The following SCAPER variants were observed in gnomAD, a reference collection of about 807,000 sequenced individuals.
SCAPER encodes the protein S phase cyclin A-associated protein in the endoplasmic reticulum.
SCAPER carries 98 observed loss-of-function variants against 182.2 expected under a neutral mutation model. The ratio of observed to expected loss-of-function variants is 0.54; its 90% CI spans 0.46 to 0.64. The LOEUF is 0.64. Among genes scored for constraint, SCAPER ranks in the 30% least tolerant of loss-of-function variants. The pLI is 0.00. For synonymous variants in SCAPER, 605 were observed against 564.6 expected (o/e 1.07, Z -1.01); for missense variants, 1,432 against 1,690.0 (o/e 0.85, Z 2.68).
chr15:76,585,040 C>A (rs899772864), intron 22 of SCAPER, among the ~76,000 whole-genome samples: 4 of 152,136 alleles, frequency 2.6e-5, no homozygotes, highest in South Asian at 2.1e-4. Flanking sequence ...AGTCAAAGAA[C>A]AGAAATAGAA....
intron 11 of SCAPER, among the ~76,000 whole-genome samples, chr15:76,766,100 T>TA (rs1278727764): frequency 6.6e-6 from 1 of 151,762 alleles, no homozygotes; most frequent in African/African-American, 2.4e-5. Flanking sequence ...TTTATTTATT[T>TA]ATTTATTTAT....
At chr15:76,788,077 C>T (rs573019794) in intron 8 of SCAPER, among the ~76,000 whole-genome samples, 146 of 152,282 alleles carry the variant, frequency 9.6e-4, no homozygotes, top group African/African-American at 3.3e-3. Flanking sequence ...ATAAGCCCAT[C>T]ATGTTCAACA....
intron 16 of SCAPER, among the ~76,000 whole-genome samples, chr15:76,728,956 C>T (rs1598404149): frequency 6.6e-6 from 1 of 152,096 alleles, no homozygotes; most frequent in Non-Finnish European, 1.5e-5. Context: ...TCAGTAAAGA[C>T]TTGCTTTTTT....
chr15:76,378,572 C>A (rs1158201678), intron 28 of SCAPER, among the ~76,000 whole-genome samples: 1 of 152,218 alleles, frequency 6.6e-6, no homozygotes, highest in Non-Finnish European at 1.5e-5. Context: ...TCACGTCCAT[C>A]TACATAAATG....
At chr15:76,423,997 A>C (rs2046240737) in intron 26 of SCAPER, among the ~76,000 whole-genome samples, 1 of 152,128 alleles carries the variant, frequency 6.6e-6, no homozygotes, top group Non-Finnish European at 1.5e-5. Flanking sequence ...GTTTGTTATA[A>C]TTTCTGTTCT....
At chr15:76,720,162 G>C (rs1365144208) in intron 17 of SCAPER, among the ~76,000 whole-genome samples, 1 of 143,612 alleles carries the variant, frequency 7.0e-6, no homozygotes, top group South Asian at 2.2e-4. Flanking sequence ...TCCCACCTAT[G>C]AGTGAGAACA....
intron 26 of SCAPER, among the ~76,000 whole-genome samples, chr15:76,423,551 T>C (rs1372418092): frequency 6.6e-6 from 1 of 152,204 alleles, no homozygotes; most frequent in African/African-American, 2.4e-5. Context: ...TCAATTTTGT[T>C]GATCTTTTCA....
chr15:76,874,852 A>T (rs1252580919), intron 2 of SCAPER, among the ~76,000 whole-genome samples: 3 of 152,096 alleles, frequency 2.0e-5, no homozygotes, highest in African/African-American at 7.2e-5. Context: ...AGTCCCAGCT[A>T]CTCAGGAGGC....
chr15:76,788,005 C>G (rs1490937128), intron 8 of SCAPER, among the ~76,000 whole-genome samples: 1 of 151,990 alleles, frequency 6.6e-6, no homozygotes, highest in Non-Finnish European at 1.5e-5. Flanking sequence ...ACAAACAGTT[C>G]AAGTAGAAAA....
intron 4 of SCAPER, among the ~76,000 whole-genome samples, chr15:76,852,984 T>G (rs1486404431): frequency 6.6e-6 from 1 of 151,770 alleles, no homozygotes; most frequent in African/African-American, 2.4e-5. Flanking sequence ...TAAACACAAT[T>G]GGAAATGTCA....
chr15:76,551,618 A>G (rs1478503811), intron 23 of SCAPER, among the ~76,000 whole-genome samples: 2 of 152,176 alleles, frequency 1.3e-5, no homozygotes, highest in African/African-American at 4.8e-5. Flanking sequence ...GATACGAGGA[A>G]TAAGTTCTGG....
intron 14 of SCAPER, among the ~76,000 whole-genome samples, chr15:76,758,734 A>G (rs2062595323): frequency 6.6e-6 from 1 of 152,088 alleles, no homozygotes; most frequent in Non-Finnish European, 1.5e-5. Context: ...ATATCTTTCT[A>G]TTTACTTGCT....
intron 21 of SCAPER, among the ~76,000 whole-genome samples, chr15:76,639,931 T>C (rs1172985248): frequency 2.0e-5 from 3 of 152,224 alleles, no homozygotes; most frequent in Non-Finnish European, 4.4e-5. Context: ...ATCAATATCA[T>C]AGTATTTTAA....
intron 1 of SCAPER, among the ~76,000 whole-genome samples, chr15:76,894,522 T>C (rs2074325456): frequency 6.6e-6 from 1 of 151,388 alleles, no homozygotes; most frequent in African/African-American, 2.4e-5. Context: ...ACAAACTAAA[T>C]CTAAAGTCAG....
intron 23 of SCAPER, among the ~76,000 whole-genome samples, chr15:76,544,488 A>G (rs2045066969): frequency 6.6e-6 from 1 of 152,218 alleles, no homozygotes; most frequent in Non-Finnish European, 1.5e-5. Context: ...AGCAATAAAA[A>G]GTAACAGAAT....
chr15:76,626,022 A>T (rs1339939148), intron 21 of SCAPER, among the ~76,000 whole-genome samples: 1 of 152,134 alleles, frequency 6.6e-6, no homozygotes, highest in Non-Finnish European at 1.5e-5. Context: ...AAAATCTCAT[A>T]ATGCTTTAAG....
At chr15:76,816,266 T>C (rs1296065182) in intron 5 of SCAPER, among the ~76,000 whole-genome samples, 1 of 152,248 alleles carries the variant, frequency 6.6e-6, no homozygotes, top group African/African-American at 2.4e-5. Context: ...ACTCTGACAT[T>C]TGTAGTAACA....
intron 15 of SCAPER, among the ~76,000 whole-genome samples, chr15:76,748,274 G>A (rs771216392): frequency 1.3e-5 from 2 of 152,104 alleles, no homozygotes; most frequent in African/African-American, 2.4e-5. Context: ...ACAGGCGTGA[G>A]CCACCGCGCC....
At chr15:76,790,016 CAGG>C (rs1343759244) in intron 8 of SCAPER, among the ~76,000 whole-genome samples, 1 of 152,080 alleles carries the variant, frequency 6.6e-6, no homozygotes, top group African/African-American at 2.4e-5. Context: ...ATCACGAGGT[CAGG>C]AGATTGAGAC....
Sources: allele counts gnomAD v4.1 joint callset (sites outside exome capture counted in the v4.1 genomes callset), GRCh38; gene constraint gnomAD v4.1.1; transcripts MANE v1.5; gene names NCBI Gene and HGNC (gene_info 2026-07-23, HGNC 2026-07-21).